TUFT1: variants seen among roughly 807,000 people sequenced by gnomAD.
TUFT1 encodes tuftelin 1, also known as tuftelin.
A neutral mutation model predicts 57.8 loss-of-function variants in TUFT1; 43 were observed. The observed-to-expected ratio is 0.74, with a 90% CI of 0.58 to 0.96. The LOEUF is 0.96. Ranked by LOEUF, TUFT1 falls within the 40% of genes least tolerant of loss-of-function variation. The pLI is 0.00. For missense variants in TUFT1, 459 were observed against 489.0 expected, an observed-to-expected ratio of 0.94 and a Z score of 0.58; for synonymous variants, 166 against 176.7, an observed-to-expected ratio of 0.94 and a Z score of 0.48.
intron 2 of TUFT1, 62 bp downstream of exon 2, chr1:151,562,227 C>A: frequency 6.8e-7 from 1 of 1,466,824 alleles, no homozygotes; most frequent in South Asian, 1.2e-5. Flanking sequence ...TGCTGCTGGC[C>A]TCTTACCCAA....
intron 1 of TUFT1, among the ~76,000 whole-genome samples, chr1:151,552,220 G>C (rs1349218512): frequency 6.6e-6 from 1 of 152,146 alleles, no homozygotes; most frequent in Non-Finnish European, 1.5e-5. Context: ...TCCATTGTAT[G>C]AATATATTAC....
intron 10 of TUFT1, 147 bp from the exon 11 acceptor site, chr1:151,579,502 G>A: frequency 2.9e-6 from 2 of 685,308 alleles, no homozygotes; most frequent in South Asian, 2.0e-5. Flanking sequence ...GTCTAATATT[G>A]ACTGAAAGGA....
intron 6 of TUFT1, among the ~76,000 whole-genome samples, chr1:151,567,838 AC>A (rs1666131757): frequency 1.3e-5 from 2 of 152,252 alleles, no homozygotes; most frequent in South Asian, 4.1e-4. Flanking sequence ...GAGCCACTGC[AC>A]CCCGCCACCA....
chr1:151,574,872 C>T (rs1666401950), intron 8 of TUFT1, 39 bp from the exon 9 acceptor site: 1 of 1,522,912 alleles, frequency 6.6e-7, no homozygotes, highest in Middle Eastern at 1.7e-4. Flanking sequence ...AAACTGTTGC[C>T]ATCTTCTCAT....
intron 6 of TUFT1, 62 bp from the exon 7 acceptor site, chr1:151,569,595 A>T: frequency 7.3e-7 from 1 of 1,363,756 alleles, no homozygotes; most frequent in South Asian, 1.2e-5. Flanking sequence ...GGGAGGGGGG[A>T]CCTTTTCTTA....
intron 1 of TUFT1, among the ~76,000 whole-genome samples, chr1:151,551,436 T>C (rs897905635): frequency 1.3e-5 from 2 of 152,128 alleles, no homozygotes; most frequent in African/African-American, 2.4e-5. Flanking sequence ...GAATGAATTG[T>C]TACAAAAGAA....
chr1:151,574,852 C>G, intron 8 of TUFT1, 59 bp from the exon 9 acceptor site: 2 of 1,459,250 alleles, frequency 1.4e-6, no homozygotes, highest in Non-Finnish European at 1.9e-6. Context: ...CCATCTTAGC[C>G]CAAACGCAGA....
At chr1:151,566,533 C>T (rs935577072) in intron 6 of TUFT1, among the ~76,000 whole-genome samples, 1 of 152,120 alleles carries the variant, frequency 6.6e-6, no homozygotes, top group Non-Finnish European at 1.5e-5. Context: ...TGCCTGGGTC[C>T]CATCCCTAGA....
At chr1:151,574,509 C>T (rs1666383764) in intron 8 of TUFT1, 111 bp downstream of exon 8, 3 of 1,384,156 alleles carry the variant, frequency 2.2e-6, no homozygotes. Flanking sequence ...TCCAGAAAAG[C>T]ACACTTCGCA....
intron 1 of TUFT1, among the ~76,000 whole-genome samples, chr1:151,543,277 T>A (rs979472121): frequency 3.9e-5 from 6 of 152,036 alleles, no homozygotes; most frequent in Admixed American, 6.6e-5. Context: ...TCTTAGAGTG[T>A]TAGTGAGGAT....
chr1:151,549,304 TGCACCAGG>T (rs1665439501), intron 1 of TUFT1, among the ~76,000 whole-genome samples: 2 of 152,162 alleles, frequency 1.3e-5, no homozygotes, highest in South Asian at 4.1e-4. Context: ...AACAACTAAG[TGCACCAGG>T]CAGAGAGGAG....
At chr1:151,548,305 C>CTTTTTTTTTTTTTTTTTTTT (rs11435666) in intron 1 of TUFT1, among the ~76,000 whole-genome samples, 1 of 130,580 alleles carries the variant, frequency 7.7e-6, no homozygotes, top group Non-Finnish European at 1.6e-5. Context: ...TTTTTCTTTT[C>CTTTTTTTTTTTTTTTTTTTT]TTTTTTTTTT....
In TUFT1 at chr1:151,540,337, G is replaced by A. The variant is rs755082815; in HGVS notation, c.-30G>A. ...TGGAGCCAGACAGCGGGGTGGACAA[G>A]TGGCGTGTGTGCTGCGACCCCGAGG... On this transcript the variant is annotated 5_prime_UTR_variant, in exon 1 of 13. In the 5' UTR this introduces an upstream ATG that the reference lacks. Coordinates refer to ENST00000368849, the MANE Select transcript of TUFT1 (RefSeq NM_020127.3). 6.2e-6 allele frequency: 10 copies of A among 1,613,986 alleles called. No individual in the cohort carries two copies. Among genetic ancestry groups the A allele is most frequent in the Non-Finnish European group, 8.5e-6 (10 of 1,179,900 alleles).
intron 1 of TUFT1, among the ~76,000 whole-genome samples, chr1:151,542,707 C>A (rs1665206572): frequency 6.6e-6 from 1 of 152,092 alleles, no homozygotes; most frequent in African/African-American, 2.4e-5. Context: ...TTTTTCTAGG[C>A]TGAACTTGAG....
intron 3 of TUFT1, 129 bp from the exon 4 acceptor site, chr1:151,563,775 A>C (rs1665972644): frequency 1.3e-6 from 1 of 770,246 alleles, no homozygotes; most frequent in African/African-American, 1.7e-5. Context: ...TTCTGATCCG[A>C]ATCACCAAAT....
chr1:151,562,661 A>G lies in TUFT1; in HGVS notation c.212A>G (p.His71Arg), dbSNP rs760418637. 6 of 1,613,454 alleles carry G rather than the reference A, an allele frequency of 3.7e-6. No individual in the cohort carries two copies. The Admixed American group carries it at 5.0e-5, about 13-fold the overall frequency. Residue 71 changes from histidine to arginine, a missense_variant, in exon 3 of 13, where the codon CAT becomes CGT. By Grantham distance (29) the His-to-Arg change is conservative. Transcript: ENST00000368849. ...CTGGCTTCAGAACTGGTGGAGTCCC[A>G]TGATGGACATGAGGAGATCATTAAG... ...HSLASELVES[H>R]DGHEEIIKVY...
At chr1:151,575,144 G>C in intron 9 of TUFT1, 139 bp downstream of exon 9, 2 of 755,908 alleles carry the variant, frequency 2.6e-6, no homozygotes, top group Non-Finnish European at 4.3e-6. Flanking sequence ...CTGACTCACC[G>C]TGAGCTTGCT....
chr1:151,583,285 A>G lies in TUFT1; in HGVS notation c.*1578A>G, dbSNP rs891641832. 1.3e-5 allele frequency: 2 copies of G among 152,188 alleles called. No homozygotes were observed. Among genetic ancestry groups the G allele is most frequent in the Non-Finnish European group, 2.9e-5 (2 of 68,042 alleles). The allele number at this position is 152,188 out of a possible 1,614,324, so 9.4% of individuals were successfully genotyped here. A position where few individuals can be genotyped will look rare whatever the true frequency, so the allele number is the denominator to read the frequency against. ...CTACAACCTTGAGAAGTAGATAGGCATCAGAGTATGGTACTATAGGAATCA... is the reference window on the plus strand; with the variant it reads ...CTACAACCTTGAGAAGTAGATAGGCGTCAGAGTATGGTACTATAGGAATCA... On this transcript the variant is annotated 3_prime_UTR_variant, in exon 13 of 13. Transcript: ENST00000368849.
intron 1 of TUFT1, among the ~76,000 whole-genome samples, chr1:151,548,179 G>A (rs974453846): frequency 1.3e-5 from 2 of 152,186 alleles, no homozygotes; most frequent in African/African-American, 4.8e-5. Context: ...GGTAGAGAGG[G>A]TAGGTACCCA....
Sources: allele counts gnomAD v4.1 joint callset (sites outside exome capture counted in the v4.1 genomes callset), GRCh38; gene constraint gnomAD v4.1.1; transcripts MANE v1.5; gene names NCBI Gene and HGNC (gene_info 2026-07-23, HGNC 2026-07-21).